G2E3: variants seen among roughly 807,000 people sequenced by gnomAD.
G2E3 encodes the protein G2/M phase-specific E3 ubiquitin-protein ligase.
In G2E3, 35 loss-of-function variants were observed where a neutral mutation model predicts 92.8. The ratio of observed to expected loss-of-function variants is 0.38; its 90% CI spans 0.29 to 0.50. The LOEUF (loss-of-function observed/expected upper bound fraction) is 0.50, where lower values mean the gene tolerates loss of function less well. Among genes scored for constraint, G2E3 ranks in the 20% least tolerant of loss-of-function variants. The probability of loss-of-function intolerance (pLI) is 0.94; values close to 1 mark genes in which losing one functional copy is unlikely to be tolerated. For missense variants in G2E3, 554 were observed against 823.8 expected (o/e 0.67, Z 4.01); for synonymous variants, 242 against 272.4 (o/e 0.89, Z 1.10).
At position 30,605,497 on chromosome 14, in the gene G2E3, T is replaced by A; in HGVS notation, c.1011-8T>A. ...ACTTATCTCTATATTTAAATTCATGTTTTATAGGCAAGGCAGCAAATTTAG... is the reference window on the plus strand; with the variant it reads ...ACTTATCTCTATATTTAAATTCATGATTTATAGGCAAGGCAGCAAATTTAG... On this transcript the variant is annotated splice_region_variant and splice_polypyrimidine_tract_variant and intron_variant, in intron 10 of 14. Transcript: ENST00000206595. 8.5e-7 allele frequency: 1 copy of A among 1,182,374 alleles called. No homozygotes were observed. Among genetic ancestry groups the A allele is most frequent in the Non-Finnish European group, 1.2e-6 (1 of 832,486 alleles). The allele number at this position is 1,182,374 out of a possible 1,614,324, so 73.2% of individuals were successfully genotyped here. A position where few individuals can be genotyped will look rare whatever the true frequency, so the allele number is the denominator to read the frequency against.
rs757882045 is a variant in G2E3, at chr14:30,602,040, A to G, written c.919A>G (p.Asn307Asp). 1.9e-6 allele frequency: 3 copies of G among 1,610,610 alleles called. No homozygotes were observed. The highest frequency in any genetic ancestry group is 1.1e-5 in the South Asian group (1 of 90,904). ...KAKKHVLPNSNNVGITDCLLE... is the reference protein window; with the variant it reads ...KAKKHVLPNSDNVGITDCLLE... ...CAAAAAACATGTATTACCCAATTCT[A>G]ATAATGTGGGGATTACAGATTGTTT... The change falls in exon 10 of 15, where the codon AAT (asparagine) becomes GAT (aspartate). Residue 307 changes from asparagine to aspartate, a missense_variant. Transcript: ENST00000206595.
At chr14:30,562,617 A>G (rs1594455037) in intron 1 of G2E3, among the ~76,000 whole-genome samples, 3 of 151,646 alleles carry the variant, frequency 2.0e-5, no homozygotes, top group African/African-American at 7.3e-5. Flanking sequence ...TCCCCGGGGG[A>G]GTTTAGAGAA....
At chr14:30,608,111 A>T in intron 12 of G2E3, 42 bp downstream of exon 12, 1 of 1,155,816 alleles carries the variant, frequency 8.7e-7, no homozygotes, top group Non-Finnish European at 1.2e-6. Flanking sequence ...ACTACATTCT[A>T]GGTATCTTTT....
rs1227953391 is a variant in G2E3, at chr14:30,587,290, A to C, written c.135+475A>C. On this transcript the variant is annotated intron_variant, in intron 3 of 14. Transcript: ENST00000206595. ...AAACCAGTTACTTTATGTATCACTC[A>C]GAAGAAAGCAAACGAGTGATTTCAT... is the stretch of plus-strand genomic sequence containing the variant. 4.6e-5 allele frequency among the ~76,000 whole-genome samples: 7 copies of C among 152,290 alleles called. No homozygotes were observed. In the South Asian group the frequency reaches 1.4e-3, roughly 32 times the overall value.
Position 30,592,517 on chromosome 14 carries a change from T to C in G2E3, c.362+70T>C, listed in dbSNP as rs369571930. 1.3e-3 allele frequency: 1,450 copies of C among 1,143,546 alleles called. 4 individuals carry two copies. The highest frequency in any genetic ancestry group is 1.7e-3 in the Non-Finnish European group (1,366 of 801,090). 70.8% of individuals were successfully genotyped at this position (1,143,546 alleles called of 1,614,324 possible). A position where few individuals can be genotyped will look rare whatever the true frequency, so the allele number is the denominator to read the frequency against. ...TAGTGGAAAATACATATCCCAATGA[T>C]ATAATACTACAATAAATTTTCTGTT... On this transcript the variant is annotated intron_variant, in intron 5 of 14. Transcript: ENST00000206595.
chr14:30,602,115 A>G lies in G2E3; in HGVS notation c.994A>G (p.Ser332Gly). 4 of 1,608,764 alleles carry G rather than the reference A, an allele frequency of 2.5e-6. No homozygotes were observed. The South Asian group carries it at 4.4e-5, about 18-fold the overall frequency. The change falls in exon 10 of 15, where the codon AGT becomes GGT. Residue 332 changes from serine (S) to glycine (G), a missense_variant. By Grantham distance (56) the Ser-to-Gly change is moderately conservative (BLOSUM62 0). Coordinates refer to ENST00000206595, the MANE Select transcript of G2E3 (RefSeq NM_017769.5). ...KLPRQSPGSQ[S>G]KDLLRQGSKF... The stretch of plus-strand genomic sequence containing the variant: ...ACCCAGACAGTCACCTGGATCCCAG[A>G]GTAAAGATCTACTGAGGTATGTATT...
At chr14:30,566,731 G>C (rs1263424466) in intron 1 of G2E3, among the ~76,000 whole-genome samples, 4 of 152,178 alleles carry the variant, frequency 2.6e-5, no homozygotes, top group African/African-American at 9.7e-5. Flanking sequence ...TTCTGGTTCA[G>C]TGTTGACTAC....
At chr14:30,597,956 T>C (rs148376229) in intron 7 of G2E3, 1 of 155,918 alleles carries the variant, frequency 6.4e-6, no homozygotes, top group Non-Finnish European at 1.4e-5. Context: ...AAATTTCTTG[T>C]TAACTTTTCA....
intron 3 of G2E3, among the ~76,000 whole-genome samples, chr14:30,588,379 G>T (rs1191473398): frequency 6.6e-6 from 1 of 151,906 alleles, no homozygotes; most frequent in Non-Finnish European, 1.5e-5. Flanking sequence ...TTCTTAGTGT[G>T]TATCACTTGT....
At chr14:30,608,539 A>T (rs1326645005) in intron 12 of G2E3, among the ~76,000 whole-genome samples, 2 of 152,226 alleles carry the variant, frequency 1.3e-5, no homozygotes, top group Non-Finnish European at 2.9e-5. Flanking sequence ...GACTAGGCTG[A>T]ATTTCTTCCA....
intron 10 of G2E3, among the ~76,000 whole-genome samples, chr14:30,604,199 G>T (rs910606550): frequency 6.6e-6 from 1 of 152,188 alleles, no homozygotes; most frequent in Non-Finnish European, 1.5e-5. Context: ...GAATCAACCT[G>T]CTATAAAAAA....
At chr14:30,615,099 C>G (rs1476739518) in intron 13 of G2E3, among the ~76,000 whole-genome samples, 2 of 152,094 alleles carry the variant, frequency 1.3e-5, no homozygotes, top group Non-Finnish European at 2.9e-5. Context: ...AATGTAGGTA[C>G]ATAAAATATT....
intron 10 of G2E3, among the ~76,000 whole-genome samples, chr14:30,603,593 A>G (rs577574645): frequency 8.5e-5 from 13 of 152,300 alleles, no homozygotes; most frequent in African/African-American, 2.9e-4. Context: ...TGTAATCCCA[A>G]CAGTTTGGGA....
chr14:30,611,915 T>C, intron 12 of G2E3: 1 of 202,266 alleles, frequency 4.9e-6, no homozygotes, highest in Non-Finnish European at 1.0e-5. Flanking sequence ...GCCTCCCTAG[T>C]AGCTAGTCTT....
At chr14:30,568,684 C>T (rs1017371083) in intron 1 of G2E3, among the ~76,000 whole-genome samples, 1 of 152,078 alleles carries the variant, frequency 6.6e-6, no homozygotes, top group Non-Finnish European at 1.5e-5. Context: ...TTCTGTATAT[C>T]TCATCCTTCT....
At chr14:30,590,417 C>T (rs1045967620) in intron 4 of G2E3, 8 of 246,588 alleles carry the variant, frequency 3.2e-5, no homozygotes, top group Admixed American at 4.8e-5. Context: ...CTCAAAGGTC[C>T]AAATTTTTCA....
intron 10 of G2E3, among the ~76,000 whole-genome samples, chr14:30,604,166 C>T (rs1480217095): frequency 6.6e-6 from 1 of 152,200 alleles, no homozygotes; most frequent in South Asian, 2.1e-4. Context: ...CATCAGCATT[C>T]CCCTGATCCA....
At chr14:30,609,674 C>T (rs1294675345) in intron 12 of G2E3, among the ~76,000 whole-genome samples, 3 of 152,168 alleles carry the variant, frequency 2.0e-5, no homozygotes, top group Admixed American at 6.5e-5. Flanking sequence ...CTTGCTAGCA[C>T]ATTGAGTCTA....
chr14:30,561,559 A>C (rs1183466426), intron 1 of G2E3, among the ~76,000 whole-genome samples: 9 of 152,184 alleles, frequency 5.9e-5, no homozygotes. Flanking sequence ...ATACTACTAG[A>C]ATTCTCCAAA....
Sources: gnomAD v4.1 joint callset for allele counts (sites outside exome capture counted in the v4.1 genomes callset) on GRCh38, gnomAD v4.1.1 for gene constraint, MANE v1.5 for transcripts, NCBI Gene and HGNC (gene_info 2026-07-23, HGNC 2026-07-21) for gene names.